The following EXO1 variants were observed in gnomAD, a reference collection of about 807,000 sequenced individuals.
EXO1 encodes exonuclease 1.
Under a neutral mutation model 84.5 loss-of-function variants are expected in EXO1, and 69 were observed. That is an observed-to-expected ratio of 0.82 (90% confidence interval 0.67 to 1.00). The LOEUF is 1.00. Ranked by LOEUF, EXO1 falls within the 50% of genes least tolerant of loss-of-function variation. EXO1 has a pLI of 0.00. For synonymous variants in EXO1, 373 were observed against 366.1 expected (o/e 1.02, Z -0.21); for missense variants, 1,045 against 1,000.7 (o/e 1.04, Z -0.60).
In EXO1 at chr1:241,856,468, A is replaced by G. The variant is rs1037117186; in HGVS notation, c.406-877A>G. On this transcript the variant is annotated intron_variant, in intron 6 of 15. Coordinates refer to ENST00000366548, the MANE Select transcript of EXO1 (RefSeq NM_130398.4). ...TATAGTGCTATAGCCTATAATATAT[A>G]TGTAAGATACATTATTAGAGGAGAG... is the stretch of plus-strand genomic sequence containing the variant. 5.9e-5 allele frequency among the ~76,000 whole-genome samples: 9 copies of G among 152,042 alleles called. No individual in the cohort carries two copies. The East Asian group carries it at 1.7e-3, about 29-fold the overall frequency.
At chr1:241,857,099 G>T (rs1661097263) in intron 6 of EXO1, among the ~76,000 whole-genome samples, 1 of 152,166 alleles carries the variant, frequency 6.6e-6, no homozygotes, top group South Asian at 2.1e-4. Flanking sequence ...TCCTCTGGCT[G>T]TGTAGCAGTA....
intron 11 of EXO1, among the ~76,000 whole-genome samples, chr1:241,868,771 G>A (rs1004831421): frequency 2.0e-5 from 3 of 152,192 alleles, no homozygotes; most frequent in Non-Finnish European, 4.4e-5. Flanking sequence ...ATTCATTTAA[G>A]TCTTTAATGC....
In EXO1 at chr1:241,889,539, C is replaced by T. The variant is rs145975455; in HGVS notation, c.2480C>T (p.Ala827Val). 8.1e-4 allele frequency: 1,313 copies of T among 1,613,666 alleles called. 1 individual carries two copies. The highest frequency in any genetic ancestry group is 1.0e-3 in the Non-Finnish European group (1,192 of 1,179,652). Residue 827 changes from alanine (A) to valine (V), a missense_variant, in exon 16 of 16, where the codon GCG (alanine) becomes GTG (valine). Physicochemically the swap from Ala to Val is moderately conservative, Grantham distance 64. Transcript: ENST00000366548. ...VRDNIQLTPE[A>V]EEDIFNKPEC... ...GATAACATCCAACTAACTCCAGAAG[C>T]GGAAGAGGATATATTTAACAAACCT... is the stretch of plus-strand genomic sequence containing the variant.
intron 6 of EXO1, among the ~76,000 whole-genome samples, chr1:241,855,654 G>A (rs1052470583): frequency 2.6e-5 from 4 of 152,202 alleles, no homozygotes; most frequent in African/African-American, 4.8e-5. Flanking sequence ...GGGGAGGCTC[G>A]GGCGGCACAG....
intron 14 of EXO1, among the ~76,000 whole-genome samples, chr1:241,884,054 C>A (rs144613727): frequency 3.3e-5 from 5 of 152,132 alleles, no homozygotes; most frequent in Non-Finnish European, 5.9e-5. Context: ...TATTTCTTCT[C>A]GGAACGTTTT....
At chr1:241,863,420 A>C (rs575704458) in intron 10 of EXO1, among the ~76,000 whole-genome samples, 17 of 109,034 alleles carry the variant, frequency 1.6e-4, no homozygotes, top group African/African-American at 5.7e-4. Context: ...AAAAAAAAAA[A>C]AACAAAAAAA....
At chr1:241,848,054 A>C (rs1487624909), upstream of EXO1, 4 of 152,288 alleles carry the variant, frequency 2.6e-5, no homozygotes, top group Non-Finnish European at 5.9e-5. The surrounding 1 kb of genome is among the most constrained non-coding windows in gnomAD (Gnocchi z 4.2). Flanking sequence ...GTCGTATGGC[A>C]GTGAGCCGCT....
chr1:241,854,062 T>C (rs1660815982), intron 6 of EXO1, among the ~76,000 whole-genome samples: 1 of 152,164 alleles, frequency 6.6e-6, no homozygotes, highest in Admixed American at 6.5e-5. Context: ...TAAATCTTAG[T>C]GTCAAGGTGC....
intron 12 of EXO1, among the ~76,000 whole-genome samples, chr1:241,875,275 A>T (rs1177230548): frequency 6.6e-6 from 1 of 152,168 alleles, no homozygotes; most frequent in African/African-American, 2.4e-5. Flanking sequence ...AAGTGCTGGG[A>T]TTACAGGCGT....
chr1:241,856,997 T>C (rs571117621), intron 6 of EXO1, among the ~76,000 whole-genome samples: 2 of 152,340 alleles, frequency 1.3e-5, no homozygotes, highest in African/African-American at 4.8e-5. Context: ...CCCTGCCGGC[T>C]GGCACCACTG....
chr1:241,878,703 T>C (rs538140106), intron 12 of EXO1, 46 bp from the exon 13 acceptor site: 1 of 1,251,352 alleles, frequency 8.0e-7, no homozygotes, highest in East Asian at 2.5e-5. Context: ...GAGAAAACTC[T>C]AAAATACTCA....
At chr1:241,879,878 G>A (rs1265061691) in intron 13 of EXO1, among the ~76,000 whole-genome samples, 1 of 151,904 alleles carries the variant, frequency 6.6e-6, no homozygotes, top group Non-Finnish European at 1.5e-5. Flanking sequence ...ATGGTGGTGG[G>A]CACCTGTGAT....
At chr1:241,881,816 T>G (rs549632686) in intron 13 of EXO1, 100 bp from the exon 14 acceptor site, 1 of 645,524 alleles carries the variant, frequency 1.5e-6, no homozygotes, top group Non-Finnish European at 2.8e-6. Flanking sequence ...CTATCCCATG[T>G]TCTTATTTAT....
Position 241,867,024 on chromosome 1 carries a change from G to A in EXO1, c.1236G>A (p.Arg412=), listed in dbSNP as rs777937653. 6 of 1,613,916 alleles carry A rather than the reference G, an allele frequency of 3.7e-6. No homozygotes were observed. The highest frequency in any genetic ancestry group is 5.1e-6 in the Non-Finnish European group (6 of 1,179,842). The stretch of plus-strand genomic sequence containing the variant: ...GTACTAAAGGGTTAAATCTCCCAAG[G>A]AAATCATCCATTGTGAAAAGACCAA... The part of the protein sequence containing the change: ...VISTKGLNLP[R]KSSIVKRPRS... Residue 412 remains arginine (R), a synonymous_variant, in exon 11 of 16, where the codon AGG becomes AGA. Transcript: ENST00000366548.
Position 241,887,748 on chromosome 1 carries a change from C to T in EXO1, c.2406-1717C>T, listed in dbSNP as rs568878119. Among the ~76,000 whole-genome samples the T allele has an allele frequency of 2.0e-5, 3 of 152,228 alleles. No homozygotes were observed. In the South Asian group the frequency reaches 6.2e-4, roughly 32 times the overall value. ...CCGCCTCCTGGGTTCAAGTGATTCACCTGTCTCAGCCTCCTAAGTAGGTGG... is the reference window on the plus strand; with the variant it reads ...CCGCCTCCTGGGTTCAAGTGATTCATCTGTCTCAGCCTCCTAAGTAGGTGG... On this transcript the variant is annotated intron_variant, in intron 15 of 15. Transcript: ENST00000366548.
intron 11 of EXO1, 53 bp from the exon 12 acceptor site, chr1:241,871,979 A>ATC: frequency 1.3e-6 from 2 of 1,512,806 alleles, no homozygotes; most frequent in Non-Finnish European, 1.8e-6. Context: ...TTAAGGCCAA[A>ATC]TCTCTAAGTA....
chr1:241,867,007 G>C lies in EXO1; in HGVS notation c.1219G>C (p.Gly407Arg), dbSNP rs532992049. The C allele has an allele frequency of 6.2e-7, 1 of 1,614,022 alleles. No individual in the cohort carries two copies. The highest frequency in any genetic ancestry group is 8.5e-7 in the Non-Finnish European group (1 of 1,179,952). ...VGVERVISTK[G>R]LNLPRKSSIV... The stretch of plus-strand genomic sequence containing the variant: ...AGTGGAACGAGTGATTAGTACTAAA[G>C]GGTTAAATCTCCCAAGGAAATCATC... Residue 407 changes from glycine (G) to arginine (R), a missense_variant, in exon 11 of 16, where the codon GGG becomes CGG. Physicochemically the swap from Gly to Arg is moderately radical, Grantham distance 125 (BLOSUM62 -2). Transcript: ENST00000366548.
At chr1:241,878,182 G>A (rs1048999335) in intron 12 of EXO1, among the ~76,000 whole-genome samples, 2 of 152,118 alleles carry the variant, frequency 1.3e-5, no homozygotes, top group African/African-American at 2.4e-5. Context: ...AAATACATGT[G>A]TATATAGAAG....
At chr1:241,867,618 T>G (rs1196013901) in intron 11 of EXO1, among the ~76,000 whole-genome samples, 1 of 150,462 alleles carries the variant, frequency 6.6e-6, no homozygotes, top group Non-Finnish European at 1.5e-5. Flanking sequence ...GATTATGGCT[T>G]TTTTTTTTAA....
Sources: gnomAD v4.1 joint callset for allele counts (sites outside exome capture counted in the v4.1 genomes callset) on GRCh38, gnomAD v4.1.1 for gene constraint, Gnocchi (gnomAD v3.1) non-coding constraint, MANE v1.5 for transcripts, NCBI Gene and HGNC (gene_info 2026-07-23, HGNC 2026-07-21) for gene names.